The following COLGALT1 variants were observed in gnomAD, a reference collection of about 807,000 sequenced individuals.
The protein encoded by COLGALT1 is procollagen galactosyltransferase 1.
A neutral mutation model predicts 60.8 loss-of-function variants in COLGALT1; 43 were observed. That is an observed-to-expected ratio of 0.71 (90% CI 0.55 to 0.91). The LOEUF (loss-of-function observed/expected upper bound fraction) is 0.91, where lower values mean the gene tolerates loss of function less well. COLGALT1 is among the 40% of genes least tolerant of loss of function. The pLI, the probability that COLGALT1 is intolerant of heterozygous loss-of-function variation, is 0.00. For synonymous variants in COLGALT1, 369 were observed against 374.2 expected, an observed-to-expected ratio of 0.99 and a Z score of 0.16; for missense variants, 845 against 880.0, an observed-to-expected ratio of 0.96 and a Z score of 0.50.
At chr19:17,564,646 G>C (rs2076270179) in intron 3 of COLGALT1, among the ~76,000 whole-genome samples, 1 of 152,062 alleles carries the variant, frequency 6.6e-6, no homozygotes, top group East Asian at 1.9e-4. Context: ...TTGAACTCCT[G>C]ACCTCAAGTG....
intron 6 of COLGALT1, 188 bp from the exon 7 acceptor site, chr19:17,577,007 G>GGGCCTGGGGTGTGTCCAGGGCTGTGT: frequency 2.8e-6 from 1 of 361,444 alleles, no homozygotes; most frequent in Non-Finnish European, 5.1e-6. Flanking sequence ...CAGGGCTTTG[G>GGGCCTGGGGTGTGTCCAGGGCTGTGT]GCTGCTGTGC....
At chr19:17,580,574 G>A in intron 10 of COLGALT1, 125 bp from the exon 11 acceptor site, 1 of 873,620 alleles carries the variant, frequency 1.1e-6, no homozygotes, top group South Asian at 1.6e-5. Context: ...CAGTCACAGA[G>A]CTCTGCAAAC....
At chr19:17,556,500 G>A (rs559799116) in intron 1 of COLGALT1, 1 of 984,708 alleles carries the variant, frequency 1.0e-6, no homozygotes, top group Non-Finnish European at 1.2e-6. Context: ...ACCGGCGTGG[G>A]TGGAGTCCAG....
intron 1 of COLGALT1, chr19:17,556,505 G>A: frequency 1.0e-6 from 1 of 985,124 alleles, no homozygotes. Flanking sequence ...CGTGGGTGGA[G>A]TCCAGGACCA....
rs2076391447 is a variant in COLGALT1, at chr19:17,582,622, T to C, written c.*1178T>C. On this transcript the variant is annotated 3_prime_UTR_variant, in exon 12 of 12. Coordinates refer to ENST00000252599, the MANE Select transcript of COLGALT1 (RefSeq NM_024656.4). ...CACTTCTTCATGCCACAAGTGTTTATTGAGCACCTGTGTGCCAGGCCTCAC... is the reference window on the plus strand; with the variant it reads ...CACTTCTTCATGCCACAAGTGTTTACTGAGCACCTGTGTGCCAGGCCTCAC... 6.6e-6 allele frequency: 1 copy of C among 152,230 alleles called. No individual in the cohort carries two copies. Among genetic ancestry groups the C allele is most frequent in the African/African-American group, 2.4e-5 (1 of 41,446 alleles). The allele number at this position is 152,230 out of a possible 1,614,324, so 9.4% of individuals were successfully genotyped here.
intron 6 of COLGALT1, among the ~76,000 whole-genome samples, chr19:17,574,612 G>C (rs572254625): frequency 6.6e-5 from 10 of 152,268 alleles, no homozygotes; most frequent in African/African-American, 2.2e-4. Context: ...TTACAGGCGT[G>C]TGTCACTGCG....
chr19:17,571,663 A>C (rs2076313368), intron 5 of COLGALT1, among the ~76,000 whole-genome samples: 1 of 151,920 alleles, frequency 6.6e-6, no homozygotes, highest in South Asian at 2.1e-4. Flanking sequence ...GGTTGCAGTG[A>C]GCCGAGGTGG....
chr19:17,560,619 T>C (rs1025773191), intron 3 of COLGALT1, among the ~76,000 whole-genome samples, 154 bp downstream of exon 3: 1 of 152,138 alleles, frequency 6.6e-6, no homozygotes, highest in Admixed American at 6.6e-5. Flanking sequence ...TGAGGTGATA[T>C]GGTTGGTCAG....
intron 3 of COLGALT1, among the ~76,000 whole-genome samples, chr19:17,562,937 G>C (rs577070384): frequency 6.6e-6 from 1 of 152,090 alleles, no homozygotes; most frequent in Non-Finnish European, 1.5e-5. Context: ...TATAGGTGAG[G>C]AAACAGGCTG....
At position 17,579,852 on chromosome 19, in the gene COLGALT1, G is replaced by GT. The variant is rs1168194219; in HGVS notation, c.1394+244dup. 6.2e-5 allele frequency: 33 copies of GT among 533,244 alleles called. No individual in the cohort carries two copies. In the South Asian group the frequency reaches 8.0e-4, roughly 13 times the overall value. 33.0% of individuals were successfully genotyped at this position (533,244 alleles called of 1,614,324 possible). ...AGCGCTGCAGCTGAGCCTAGAGCCTGTATGTCTGGGTGTGGTCAGGGTGGC... is the reference window on the plus strand; with the variant it reads ...AGCGCTGCAGCTGAGCCTAGAGCCTGTTATGTCTGGGTGTGGTCAGGGTGGC... On this transcript the variant is annotated intron_variant, in intron 10 of 11. Coordinates refer to ENST00000252599, the MANE Select transcript of COLGALT1 (RefSeq NM_024656.4).
intron 1 of COLGALT1, among the ~76,000 whole-genome samples, 166 bp from the exon 2 acceptor site, chr19:17,559,145 G>A (rs2076233145): frequency 6.6e-6 from 1 of 152,060 alleles, no homozygotes; most frequent in South Asian, 2.1e-4. Flanking sequence ...GGGCAACAGA[G>A]CGAGACTCTG....
At position 17,570,187 on chromosome 19, in the gene COLGALT1, C is replaced by T. The variant is rs557249972; in HGVS notation, c.829+1474C>T. Among the ~76,000 whole-genome samples, 8 of 152,324 alleles carry T rather than the reference C, an allele frequency of 5.3e-5. No homozygotes were observed. In the South Asian group the frequency reaches 6.2e-4, roughly 12 times the overall value. On this transcript the variant is annotated intron_variant, in intron 5 of 11. Transcript: ENST00000252599. ...GGATTACAGGCGTGAGCCACCGCGC[C>T]TGGCCCCACTAATTACTTTTATATG...
chr19:17,564,544 G>T (rs2076269544), intron 3 of COLGALT1, among the ~76,000 whole-genome samples: 1 of 150,670 alleles, frequency 6.6e-6, no homozygotes, highest in Non-Finnish European at 1.5e-5. Context: ...AGCCTCCGGA[G>T]TACCTGGGAT....
At chr19:17,577,570 TC>T in intron 8 of COLGALT1, 103 bp downstream of exon 8, 1 of 1,081,252 alleles carries the variant, frequency 9.2e-7, no homozygotes, top group Non-Finnish European at 1.3e-6. Flanking sequence ...GGGCGTGGTG[TC>T]CAAACAGATG....
intron 9 of COLGALT1, among the ~76,000 whole-genome samples, chr19:17,578,900 C>T (rs979736743): frequency 6.6e-6 from 1 of 152,142 alleles, no homozygotes; most frequent in African/African-American, 2.4e-5. Context: ...AATCCCTCTA[C>T]TTGGGAGACT....
intron 5 of COLGALT1, among the ~76,000 whole-genome samples, chr19:17,570,624 G>A (rs2144832467): frequency 6.6e-6 from 1 of 152,124 alleles, no homozygotes; most frequent in South Asian, 2.1e-4. Context: ...GGAGTACAGT[G>A]GCATGATCTC....
chr19:17,564,679 A>G (rs1405716950), intron 3 of COLGALT1, among the ~76,000 whole-genome samples: 9 of 152,056 alleles, frequency 5.9e-5, no homozygotes, highest in Admixed American at 5.9e-4. Flanking sequence ...AGCCTCCCAA[A>G]GTGCTAGGAT....
chr19:17,569,891 C>CCTTTTTTTTTTT (rs749016124), intron 5 of COLGALT1, among the ~76,000 whole-genome samples: 1 of 98,740 alleles, frequency 1.0e-5, no homozygotes, highest in African/African-American at 3.9e-5. Flanking sequence ...CCACTAATTA[C>CCTTTTTTTTTTT]TTTTTTTTTT....
At chr19:17,572,182 C>T (rs2076316635) in intron 5 of COLGALT1, among the ~76,000 whole-genome samples, 1 of 151,990 alleles carries the variant, frequency 6.6e-6, no homozygotes, top group South Asian at 2.1e-4. Flanking sequence ...GTGGCATGTG[C>T]CTGTAGTCTC....
Sources: gnomAD v4.1 joint callset for allele counts (sites outside exome capture counted in the v4.1 genomes callset) on GRCh38, gnomAD v4.1.1 for gene constraint, MANE v1.5 for transcripts, NCBI Gene and HGNC (gene_info 2026-07-23, HGNC 2026-07-21) for gene names.